Variants in CNOT6L observed in about 807,000 individuals in gnomAD.
The protein encoded by CNOT6L is CCR4-NOT transcription complex subunit 6 like, also known as CCR4-NOT transcription complex subunit 6-like.
A neutral mutation model predicts 64.0 loss-of-function variants in CNOT6L; 7 were observed. The ratio of observed to expected loss-of-function variants is 0.11; its 90% CI spans 0.06 to 0.21. The LOEUF is 0.21. Among genes scored for constraint, CNOT6L ranks in the 10% least tolerant of loss-of-function variants. CNOT6L has a pLI of 1.00. For missense variants in CNOT6L, 245 were observed against 669.0 expected, an observed-to-expected ratio of 0.37 and a Z score of 6.99; for synonymous variants, 193 against 243.4, an observed-to-expected ratio of 0.79 and a Z score of 1.93.
At chr4:77,754,908 A>AAAAAAAAAAAAAT (rs1212945278) in intron 5 of CNOT6L, among the ~76,000 whole-genome samples, 1 of 144,564 alleles carries the variant, frequency 6.9e-6, no homozygotes, top group Non-Finnish European at 1.5e-5. Flanking sequence ...AAAAAAAAAA[A>AAAAAAAAAAAAAT]AAAAACCGGT....
intron 1 of CNOT6L, among the ~76,000 whole-genome samples, chr4:77,782,391 G>A (rs773335026): frequency 6.6e-6 from 1 of 152,086 alleles, no homozygotes; most frequent in Non-Finnish European, 1.5e-5. Flanking sequence ...GGAGGACAGT[G>A]GTACAATCAT....
intron 4 of CNOT6L, among the ~76,000 whole-genome samples, chr4:77,763,260 T>C (rs1726443947): frequency 6.6e-6 from 1 of 152,088 alleles, no homozygotes; most frequent in Non-Finnish European, 1.5e-5. Flanking sequence ...AGCTATATAC[T>C]ATTTATAAGA....
At chr4:77,732,525 C>A (rs540766771) in intron 8 of CNOT6L, among the ~76,000 whole-genome samples, 13 of 152,122 alleles carry the variant, frequency 8.5e-5, no homozygotes, top group Non-Finnish European at 1.9e-4. Flanking sequence ...TATTGACTTA[C>A]TATGCCACAG....
chr4:77,754,908 A>AAAAAAAAAAAAAAAAAAAAAT (rs1212945278), intron 5 of CNOT6L, among the ~76,000 whole-genome samples: 1 of 144,564 alleles, frequency 6.9e-6, no homozygotes, highest in Non-Finnish European at 1.5e-5. Context: ...AAAAAAAAAA[A>AAAAAAAAAAAAAAAAAAAAAT]AAAAACCGGT....
chr4:77,742,382 T>G, intron 7 of CNOT6L, 87 bp from the exon 8 acceptor site: 2 of 1,197,618 alleles, frequency 1.7e-6, no homozygotes, highest in Non-Finnish European at 2.4e-6. Context: ...GAGTAAGATG[T>G]AACTTAGTAA....
chr4:77,725,834 GA>G (rs1721793462), intron 11 of CNOT6L, among the ~76,000 whole-genome samples: 1 of 152,138 alleles, frequency 6.6e-6, no homozygotes, highest in Non-Finnish European at 1.5e-5. Context: ...GGTTACTGCT[GA>G]AAGTTAGGGA....
At chr4:77,764,802 G>A (rs1726640918) in intron 4 of CNOT6L, among the ~76,000 whole-genome samples, 1 of 152,114 alleles carries the variant, frequency 6.6e-6, no homozygotes, top group Non-Finnish European at 1.5e-5. Context: ...AGTTAGAAAG[G>A]AATATCATCG....
chr4:77,813,929 A>G (rs932260489), intron 1 of CNOT6L, among the ~76,000 whole-genome samples: 15 of 152,226 alleles, frequency 9.9e-5, no homozygotes, highest in African/African-American at 3.6e-4. Flanking sequence ...ACATACATAC[A>G]TAAGAACTTG....
rs1049604229 is a variant in CNOT6L at position 77,715,840 on chromosome 4, T to G, written c.*4591A>C. The G allele has an allele frequency of 6.6e-6, 1 of 152,406 alleles. No individual in the cohort carries two copies. The allele number at this position is 152,406 out of a possible 1,614,324, so 9.4% of individuals were successfully genotyped here. ...AAAATGAAAGATGCTCTTGGCATCC[T>G]GTTCTTAAACAGATTAGAACTTTGG... On this transcript the variant is annotated 3_prime_UTR_variant, in exon 12 of 12. Coordinates refer to ENST00000504123, the MANE Select transcript of CNOT6L (RefSeq NM_144571.3).
intron 1 of CNOT6L, among the ~76,000 whole-genome samples, chr4:77,810,995 T>G (rs10222901): frequency 0.79 from 119,706 of 152,088 alleles, 47,974 homozygotes; most frequent in Non-Finnish European, 0.86. Flanking sequence ...TGAAGACGGA[T>G]TTCATTCTTT....
At position 77,776,316 on chromosome 4, in the gene CNOT6L, C is replaced by A. The variant is rs752836467; in HGVS notation, c.82G>T (p.Val28Leu). The A allele has an allele frequency of 6.2e-7, 1 of 1,611,670 alleles. No individual in the cohort carries two copies. The highest frequency in any genetic ancestry group is 8.5e-7 in the Non-Finnish European group (1 of 1,179,320). ...RIYTIMSAEEVANGKKSHWAE... is the reference protein window; with the variant it reads ...RIYTIMSAEELANGKKSHWAE... ...CAGTGAGATTTTTTCCCATTGGCTA[C>A]CTCCTCTGCTGACATGATGGTATAA... Residue 28 changes from valine to leucine, a missense_variant, in exon 2 of 12, where the codon GTA becomes TTA. This residue lies in a region of CNOT6L where 78 missense variants were observed against 137.6 expected (regional missense o/e 0.57). Coordinates refer to ENST00000504123, the MANE Select transcript of CNOT6L (RefSeq NM_144571.3).
At position 77,719,151 on chromosome 4, in the gene CNOT6L, CT is replaced by C. The variant is rs1300439820; in HGVS notation, c.*1279del. Reference sequence around the variant, plus strand: ...CAATTTTTCCCCAGAAAACAGTATTCTGTTCACTGCCTCTTGAGTCACAGAT... The same window carrying C: ...CAATTTTTCCCCAGAAAACAGTATTCGTTCACTGCCTCTTGAGTCACAGAT... On this transcript the variant is annotated 3_prime_UTR_variant, in exon 12 of 12. Coordinates refer to ENST00000504123, the MANE Select transcript of CNOT6L (RefSeq NM_144571.3). The C allele has an allele frequency of 6.6e-6, 1 of 152,624 alleles. No homozygotes were observed. The highest frequency in any genetic ancestry group is 2.4e-5 in the African/African-American group (1 of 41,448). The allele number at this position is 152,624 out of a possible 1,614,324, so 9.5% of individuals were successfully genotyped here.
chr4:77,786,650 T>A (rs1729482485), intron 1 of CNOT6L, among the ~76,000 whole-genome samples: 1 of 151,900 alleles, frequency 6.6e-6, no homozygotes, highest in Non-Finnish European at 1.5e-5. Context: ...CTAATTTTTG[T>A]ATTTTTTGTA....
chr4:77,762,852 T>C (rs1445961453), intron 4 of CNOT6L, among the ~76,000 whole-genome samples: 1 of 152,198 alleles, frequency 6.6e-6, no homozygotes, highest in South Asian at 2.1e-4. Flanking sequence ...AACTGTTCTA[T>C]TTCTTGACTG....
intron 1 of CNOT6L, among the ~76,000 whole-genome samples, chr4:77,796,125 A>G: frequency 6.6e-6 from 1 of 152,108 alleles, no homozygotes; most frequent in East Asian, 1.9e-4. Context: ...CATAATATCT[A>G]ATAGGTAGTT....
intron 1 of CNOT6L, among the ~76,000 whole-genome samples, chr4:77,806,981 T>C (rs1485458271): frequency 1.3e-5 from 2 of 152,198 alleles, no homozygotes; most frequent in Admixed American, 1.3e-4. Flanking sequence ...CCCTACTATG[T>C]ATCAAACACT....
chr4:77,729,852 A>G (rs1163550809), intron 9 of CNOT6L, among the ~76,000 whole-genome samples: 1 of 152,070 alleles, frequency 6.6e-6, no homozygotes, highest in African/African-American at 2.4e-5. Flanking sequence ...ATTTTTGAAA[A>G]TTAAACATAG....
At chr4:77,786,266 G>C (rs1159657161) in intron 1 of CNOT6L, among the ~76,000 whole-genome samples, 11 of 116,408 alleles carry the variant, frequency 9.4e-5, no homozygotes, top group Admixed American at 3.0e-4. Flanking sequence ...GGGCAACAGA[G>C]TGAGACTCCC....
intron 1 of CNOT6L, among the ~76,000 whole-genome samples, chr4:77,815,512 A>G (rs1167892028): frequency 6.6e-6 from 1 of 152,148 alleles, no homozygotes; most frequent in East Asian, 1.9e-4. Flanking sequence ...ATGGAAAGCA[A>G]TTCCTAACTA....
Sources: gnomAD v4.1 joint callset for allele counts (sites outside exome capture counted in the v4.1 genomes callset) on GRCh38, gnomAD v4.1.1 for gene constraint, gnomAD v4.1.1 regional missense constraint, MANE v1.5 for transcripts, NCBI Gene and HGNC (gene_info 2026-07-23, HGNC 2026-07-21) for gene names.